The following PIN4 variants were observed in gnomAD, a reference collection of about 807,000 sequenced individuals.
PIN4 encodes the protein peptidyl-prolyl cis-trans isomerase NIMA-interacting 4.
PIN4 carries 3 observed loss-of-function variants against 8.3 expected under a neutral mutation model. The observed-to-expected ratio is 0.36, with a 90% CI of 0.16 to 0.93. The LOEUF is 0.93. PIN4 is among the 40% of genes least tolerant of loss of function. PIN4 has a pLI of 0.44. For synonymous variants in PIN4, 18 were observed against 32.5 expected (o/e 0.55, Z 1.52); for missense variants, 75 against 100.6 (o/e 0.75, Z 1.09).
Position 72,244,224 on chromosome X carries a change from G to C in PIN4, c.313-18483G>C, listed in dbSNP as rs188987334. Among the ~76,000 whole-genome samples the C allele has an allele frequency of 3.0e-4, 34 of 111,662 alleles. No homozygotes were observed. In the East Asian group the frequency reaches 7.3e-3, roughly 24 times the overall value. ...TGAAACAATAATCACACAAACACTT[G>C]GAAAATTACAGACATGAAGAGGTCT... On this transcript the variant is annotated intron_variant, in intron 3 of 3. Coordinates refer to the PIN4 transcript ENST00000423432.
chrX:72,262,801 G>A (rs2043144833), exon 4 of PIN4: 1 of 1,042,871 alleles, frequency 9.6e-7, no homozygotes, highest in African/African-American at 1.8e-5. Context: ...CCTTAAAGTG[G>A]ATTATTTTGC....
chrX:72,251,354 C>G (rs2043086670), intron 3 of PIN4, among the ~76,000 whole-genome samples: 1 of 19,421 alleles, frequency 5.1e-5, no homozygotes, highest in South Asian at 0.013. Context: ...CACAGCGAGA[C>G]TCTGTCTCAA....
chrX:72,230,449 C>T (rs1028022425), intron 3 of PIN4, among the ~76,000 whole-genome samples: 8 of 111,460 alleles, frequency 7.2e-5, no homozygotes, highest in African/African-American at 2.3e-4. Flanking sequence ...GTGATAAGCC[C>T]CCTCACCCTA....
At chrX:72,206,422 T>C in intron 3 of PIN4, 1 of 1,210,412 alleles carries the variant, frequency 8.3e-7, no homozygotes, top group Non-Finnish European at 1.1e-6. Context: ...CTCACCCTCT[T>C]TGGGCAGATC....
intron 2 of PIN4, 27 bp from the exon 3 acceptor site, chrX:72,196,758 T>C (rs1317141359): frequency 1.7e-6 from 2 of 1,186,886 alleles, no homozygotes; most frequent in African/African-American, 1.8e-5. Context: ...TCTCCAAGTA[T>C]TACATGAATG....
At chrX:72,205,447 A>G in intron 3 of PIN4, 1 of 1,211,703 alleles carries the variant, frequency 8.3e-7, no homozygotes. Context: ...CATGTCCTCC[A>G]CGTGGTCTAA....
chrX:72,252,221 T>C (rs762481438), intron 3 of PIN4, among the ~76,000 whole-genome samples: 50 of 110,904 alleles, frequency 4.5e-4, no homozygotes, highest in African/African-American at 1.5e-3. Flanking sequence ...CAATCACGGT[T>C]CACTGTAGCC....
At chrX:72,205,378 CCTT>C (rs780485401) in intron 3 of PIN4, 7 of 1,211,996 alleles carry the variant, frequency 5.8e-6, no homozygotes, top group Middle Eastern at 2.3e-4. Context: ...TTCCTCCACC[CCTT>C]CTTCTGGATA....
intron 3 of PIN4, among the ~76,000 whole-genome samples, chrX:72,243,397 G>A (rs2043056704): frequency 9.1e-6 from 1 of 109,467 alleles, no homozygotes; most frequent in Non-Finnish European, 1.9e-5. Context: ...TTTTTTTAAG[G>A]TCCTCATCTG....
At chrX:72,239,449 G>A (rs991033875) in intron 3 of PIN4, among the ~76,000 whole-genome samples, 1 of 112,075 alleles carries the variant, frequency 8.9e-6, no homozygotes, top group Non-Finnish European at 1.9e-5. Context: ...AACACCCTGG[G>A]AGGCATAGTC....
intron 3 of PIN4, among the ~76,000 whole-genome samples, chrX:72,222,535 T>A (rs1270419546): frequency 9.3e-6 from 1 of 107,429 alleles, no homozygotes; most frequent in African/African-American, 3.4e-5. Flanking sequence ...AAAATGCCCA[T>A]AAGGCAGTTA....
At chrX:72,223,837 C>T (rs2042939678) in intron 3 of PIN4, among the ~76,000 whole-genome samples, 1 of 111,766 alleles carries the variant, frequency 8.9e-6, no homozygotes, top group South Asian at 3.7e-4. Flanking sequence ...TGAAGTGCCA[C>T]ATCAGGGTTC....
intron 3 of PIN4, among the ~76,000 whole-genome samples, chrX:72,223,947 G>T (rs1602447272): frequency 9.0e-6 from 1 of 110,824 alleles, no homozygotes; most frequent in African/African-American, 3.3e-5. Context: ...CTGGAAAATG[G>T]ACTGTGCCCA....
At chrX:72,187,323 G>A (rs190079786) in intron 2 of PIN4, among the ~76,000 whole-genome samples, 22 of 111,770 alleles carry the variant, frequency 2.0e-4, no homozygotes, top group Admixed American at 1.4e-3. Flanking sequence ...AGTATCTGCT[G>A]GGAGAAAATT....
chrX:72,204,875 G>A (rs2042806511), intron 3 of PIN4: 2 of 435,629 alleles, frequency 4.6e-6, no homozygotes, highest in South Asian at 5.3e-5. Flanking sequence ...AGTGGGGGGC[G>A]TTGCAGGGCA....
In PIN4 at chrX:72,206,333, C is replaced by T. The variant is rs183569692; in HGVS notation, c.312+9429C>T. 32 of 1,208,347 alleles carry T rather than the reference C, an allele frequency of 2.6e-5. No individual in the cohort carries two copies. In the East Asian group the frequency reaches 9.2e-4, roughly 35 times the overall value. ...CTTCCAAACCCCTTTGGTAAAGTAG[C>T]TATAGAGTCAGCACTACCTGTACCT... On this transcript the variant is annotated intron_variant, in intron 3 of 3. Transcript: ENST00000423432.
chrX:72,253,215 T>C (rs2043094905), intron 3 of PIN4, among the ~76,000 whole-genome samples: 1 of 111,756 alleles, frequency 8.9e-6, no homozygotes, highest in East Asian at 2.8e-4. Flanking sequence ...ACATCCTGAA[T>C]CTCTCCACCT....
chrX:72,187,487 T>A (rs1002320613), intron 2 of PIN4, among the ~76,000 whole-genome samples: 1 of 111,704 alleles, frequency 9.0e-6, no homozygotes, highest in Non-Finnish European at 1.9e-5. Flanking sequence ...TTTTTTATCA[T>A]GTATTTATTT....
intron 3 of PIN4, among the ~76,000 whole-genome samples, chrX:72,203,341 A>AAAC (rs1271167966): frequency 8.9e-6 from 1 of 112,016 alleles, no homozygotes; most frequent in Non-Finnish European, 1.9e-5. Flanking sequence ...CTATTCTAGC[A>AAAC]AACTATTAAA....
Sources: allele counts gnomAD v4.1 joint callset (sites outside exome capture counted in the v4.1 genomes callset), GRCh38; gene constraint gnomAD v4.1.1; transcripts MANE v1.5; gene names NCBI Gene and HGNC (gene_info 2026-07-23, HGNC 2026-07-21).